The following BRWD3 variants were observed in gnomAD, a reference collection of about 807,000 sequenced individuals.
The protein encoded by BRWD3 is bromodomain and WD repeat domain containing 3.
BRWD3 carries 10 observed loss-of-function variants against 149.7 expected under a neutral mutation model. The ratio of observed to expected loss-of-function variants is 0.07; its 90% CI spans 0.04 to 0.11. The LOEUF (loss-of-function observed/expected upper bound fraction) is 0.11. BRWD3 is among the 10% of genes least tolerant of loss of function. BRWD3 has a pLI of 1.00. For synonymous variants in BRWD3, 504 were observed against 456.7 expected, an observed-to-expected ratio of 1.10 and a Z score of -1.32; for missense variants, 940 against 1,373.2, an observed-to-expected ratio of 0.68 and a Z score of 4.99.
At chrX:80,745,430 T>C in intron 7 of BRWD3, 139 bp downstream of exon 7, 1 of 507,418 alleles carries the variant, frequency 2.0e-6, no homozygotes, top group Non-Finnish European at 3.2e-6. Context: ...GAAACTTTTT[T>C]CAATTTCCAC....
intron 6 of BRWD3, among the ~76,000 whole-genome samples, chrX:80,750,060 C>T (rs925545383): frequency 1.6e-4 from 18 of 111,484 alleles, no homozygotes; most frequent in Non-Finnish European, 3.0e-4. Context: ...GAAATTGAAC[C>T]CTATTCTCCT....
At chrX:80,786,702 A>AG (rs2074111606) in intron 6 of BRWD3, among the ~76,000 whole-genome samples, 1 of 110,950 alleles carries the variant, frequency 9.0e-6, no homozygotes, top group African/African-American at 3.3e-5. Context: ...TTTAGTAGAG[A>AG]GGGGGTTTCA....
rs2074391843 is a variant in BRWD3, at chrX:80,809,746, GAGAGAGAGGAAAA to G, written c.-288_-276del. 4.6e-6 allele frequency: 1 copy of G among 218,973 alleles called. No homozygotes were observed. Among genetic ancestry groups the G allele is most frequent in the Non-Finnish European group, 7.9e-6 (1 of 126,161 alleles). 18.0% of individuals were successfully genotyped at this position (218,973 alleles called of 1,213,427 possible). On this transcript the variant is annotated 5_prime_UTR_variant, in exon 1 of 41. Coordinates refer to ENST00000373275, the MANE Select transcript of BRWD3 (RefSeq NM_153252.5). ...GAGAGAGAGAGAGAGAAGAGAGAGAGAGAGAGAGGAAAAAGAGAGAGAGAGAGAGAGAGAGAGA... is the reference window on the plus strand; with the variant it reads ...GAGAGAGAGAGAGAGAAGAGAGAGAGAGAGAGAGAGAGAGAGAGAGAGAGA...
rs1028553460 is a variant in BRWD3 at position 80,710,787 on chromosome X, G to A, written c.2326-1210C>T. On this transcript the variant is annotated intron_variant, in intron 20 of 40. Coordinates refer to ENST00000373275, the MANE Select transcript of BRWD3 (RefSeq NM_153252.5). ...ATACTGATGATACTAATCATCAGTA[G>A]AATGGTGGTGGAATGGTATGTTTTA... 13 of 410,841 alleles carry A rather than the reference G, an allele frequency of 3.2e-5. No individual in the cohort carries two copies. In the East Asian group the frequency reaches 7.0e-4, roughly 22 times the overall value. 33.9% of individuals were successfully genotyped at this position (410,841 alleles called of 1,213,427 possible). A position where few individuals can be genotyped will look rare whatever the true frequency, so the allele number is the denominator to read the frequency against.
At chrX:80,797,304 A>G (rs2147861552) in intron 4 of BRWD3, among the ~76,000 whole-genome samples, 1 of 111,827 alleles carries the variant, frequency 8.9e-6, no homozygotes, top group East Asian at 2.8e-4. Context: ...GGGCTTTTAC[A>G]TAGAGTAGTA....
intron 6 of BRWD3, among the ~76,000 whole-genome samples, chrX:80,750,894 G>A (rs867581554): frequency 1.0e-4 from 8 of 77,324 alleles, no homozygotes; most frequent in African/African-American, 5.1e-4. Flanking sequence ...ACACACACAC[G>A]CAAAAATCAT....
chrX:80,747,064 C>A (rs954713424), intron 6 of BRWD3, among the ~76,000 whole-genome samples: 5 of 110,567 alleles, frequency 4.5e-5, no homozygotes, highest in African/African-American at 1.6e-4. Flanking sequence ...GTGTTCCCAT[C>A]TCAACCACAA....
At chrX:80,748,341 G>A (rs771967343) in intron 6 of BRWD3, among the ~76,000 whole-genome samples, 1 of 112,219 alleles carries the variant, frequency 8.9e-6, no homozygotes, top group East Asian at 2.8e-4. Context: ...AAGGGATATT[G>A]GCCTTTAGTT....
intron 6 of BRWD3, among the ~76,000 whole-genome samples, chrX:80,752,771 G>A (rs2073685756): frequency 9.0e-6 from 1 of 110,752 alleles, no homozygotes; most frequent in Admixed American, 9.6e-5. Flanking sequence ...CCAGGTTCAG[G>A]CTCCTGCCTT....
At chrX:80,750,888 AC>A (rs2073657276) in intron 6 of BRWD3, among the ~76,000 whole-genome samples, 1 of 107,762 alleles carries the variant, frequency 9.3e-6, no homozygotes, top group Non-Finnish European at 1.9e-5. Flanking sequence ...ACACACACAC[AC>A]ACACGCAAAA....
At chrX:80,773,862 A>G (rs892411590) in intron 6 of BRWD3, among the ~76,000 whole-genome samples, 1 of 112,140 alleles carries the variant, frequency 8.9e-6, no homozygotes, top group Non-Finnish European at 1.9e-5. Flanking sequence ...TAAATCACTT[A>G]GTTTAAGTCC....
At chrX:80,735,017 G>T (rs1220510382) in intron 10 of BRWD3, 110 bp downstream of exon 10, 3 of 663,105 alleles carry the variant, frequency 4.5e-6, no homozygotes, top group Non-Finnish European at 7.2e-6. Flanking sequence ...TCAGATTTTT[G>T]ATATCCTTCA....
Position 80,692,818 on chromosome X carries a change from G to A in BRWD3, c.3263+122C>T, listed in dbSNP as rs2072630205. ...TTTACCATCAAATTTCTTCTTTACA[G>A]GTACAGGTATTGTGAGACTAGATAA... On this transcript the variant is annotated intron_variant, in intron 28 of 40. Coordinates refer to ENST00000373275, the MANE Select transcript of BRWD3 (RefSeq NM_153252.5). The A allele has an allele frequency of 1.1e-5, 6 of 554,923 alleles. No individual in the cohort carries two copies. The Admixed American group carries it at 1.7e-4, about 16-fold the overall frequency. The allele number at this position is 554,923 out of a possible 1,213,427, so 45.7% of individuals were successfully genotyped here. A position where few individuals can be genotyped will look rare whatever the true frequency, so the allele number is the denominator to read the frequency against.
intron 19 of BRWD3, chrX:80,717,067 T>C (rs1184542541): frequency 8.6e-6 from 1 of 115,739 alleles, no homozygotes; most frequent in Non-Finnish European, 1.8e-5. Context: ...CTGTGGAGTA[T>C]CTGAAAGTTA....
At chrX:80,682,332 G>T in intron 38 of BRWD3, 133 bp downstream of exon 38, 1 of 740,592 alleles carries the variant, frequency 1.4e-6, no homozygotes, top group Non-Finnish European at 2.1e-6. Flanking sequence ...ACTCTACATA[G>T]GCATAAGAGT....
chrX:80,768,198 G>T (rs1332193830), intron 6 of BRWD3, among the ~76,000 whole-genome samples: 1 of 111,302 alleles, frequency 9.0e-6, no homozygotes, highest in African/African-American at 3.3e-5. Context: ...TAGCAAGGCA[G>T]GAGAGCATTC....
chrX:80,699,775 T>C (rs1316555186), intron 25 of BRWD3, among the ~76,000 whole-genome samples, 182 bp downstream of exon 25: 1 of 111,650 alleles, frequency 9.0e-6, no homozygotes, highest in Non-Finnish European at 1.9e-5. Flanking sequence ...GCATACAAAT[T>C]TTGAGAAACG....
rs1555966842 is a variant in BRWD3 at position 80,700,433 on chromosome X, G to GAGATATATATATATATATATAT, written c.2836-370_2836-369insATATATATATATATATATATCT. 5.4e-5 allele frequency among the ~76,000 whole-genome samples: 3 copies of GAGATATATATATATATATATAT among 55,615 alleles called. 1 individual carries two copies. Among genetic ancestry groups the GAGATATATATATATATATATAT allele is most frequent in the Middle Eastern group, 0.012 (1 of 85 alleles). The allele number at this position is 55,615 out of a possible 115,157, so 48.3% of individuals were successfully genotyped here. A position where few individuals can be genotyped will look rare whatever the true frequency, so the allele number is the denominator to read the frequency against. ...AATCAACTGCAGATTGAAAATATTT[G>GAGATATATATATATATATATAT]ATATATATAACAATACAATTAGGCC... On this transcript the variant is annotated intron_variant, in intron 24 of 40. Coordinates refer to ENST00000373275, the MANE Select transcript of BRWD3 (RefSeq NM_153252.5).
chrX:80,733,402 T>C (rs1392936979), intron 12 of BRWD3, 54 bp downstream of exon 12: 17 of 956,712 alleles, frequency 1.8e-5, no homozygotes, highest in South Asian at 2.1e-5. Flanking sequence ...TCTGAGGGAA[T>C]GGTAGTAAAA....
Sources: gnomAD v4.1 joint callset for allele counts (sites outside exome capture counted in the v4.1 genomes callset) on GRCh38, gnomAD v4.1.1 for gene constraint, MANE v1.5 for transcripts, NCBI Gene and HGNC (gene_info 2026-07-23, HGNC 2026-07-21) for gene names.